FBXO11: variants seen among roughly 807,000 people sequenced by gnomAD.
FBXO11 encodes the protein F-box only protein 11.
FBXO11 carries 13 observed loss-of-function variants against 117.0 expected under a neutral mutation model. That is an observed-to-expected ratio of 0.11 (90% confidence interval 0.07 to 0.18). The LOEUF (loss-of-function observed/expected upper bound fraction) is 0.18. Among genes scored for constraint, FBXO11 ranks in the 10% least tolerant of loss-of-function variants. The pLI is 1.00. For synonymous variants in FBXO11, 490 were observed against 380.5 expected (o/e 1.29, Z -3.35); for missense variants, 767 against 1,164.4 (o/e 0.66, Z 4.97).
chr2:47,856,815 C>G (rs995884325), intron 1 of FBXO11, among the ~76,000 whole-genome samples: 2 of 152,132 alleles, frequency 1.3e-5, no homozygotes, highest in African/African-American at 2.4e-5. Context: ...AAATGTAGAA[C>G]TGAAACAGTA....
In FBXO11 at chr2:47,834,828, T is replaced by C; in HGVS notation, c.761A>G (p.Tyr254Cys). Reference sequence around the variant, plus strand: ...TCCTTTATATCTTGCAGGGTTACTGTAGAAATGTTCAGCAAATCCTGGCTT... The same window carrying C: ...TCCTTTATATCTTGCAGGGTTACTGCAGAAATGTTCAGCAAATCCTGGCTT... ...HVKPGFAEHF[Y>C]SNPARYKGRE... Residue 254 changes from tyrosine (Y) to cysteine (C), a missense_variant, in exon 6 of 23, where the codon TAC becomes TGC. Coordinates refer to ENST00000403359, the MANE Select transcript of FBXO11 (RefSeq NM_001190274.2). 2.5e-6 allele frequency: 4 copies of C among 1,613,594 alleles called. No homozygotes were observed. The highest frequency in any genetic ancestry group is 3.4e-6 in the Non-Finnish European group (4 of 1,179,808).
rs187355264 is a variant in FBXO11, at chr2:47,865,487, C to T, written c.233-25718G>A. On this transcript the variant is annotated intron_variant, in intron 1 of 22. Coordinates refer to ENST00000403359, the MANE Select transcript of FBXO11 (RefSeq NM_001190274.2). Reference sequence around the variant, plus strand: ...CCATAAAGGCTGTGTTTACAGACTGCAGACTAATAAATAAAACAGGGGCCT... The same window carrying T: ...CCATAAAGGCTGTGTTTACAGACTGTAGACTAATAAATAAAACAGGGGCCT... 4.6e-3 allele frequency among the ~76,000 whole-genome samples: 707 copies of T among 152,288 alleles called. 5 individuals carry two copies. The highest frequency in any genetic ancestry group is 0.017 in the African/African-American group (687 of 41,548).
At chr2:47,825,806 G>A (rs1284753839) in intron 11 of FBXO11, among the ~76,000 whole-genome samples, 2 of 151,904 alleles carry the variant, frequency 1.3e-5, no homozygotes, top group Non-Finnish European at 2.9e-5. Context: ...CAAACTTTCA[G>A]CCTCAAGCAA....
intron 12 of FBXO11, 123 bp downstream of exon 12, chr2:47,823,020 A>T (rs1572785092): frequency 1.6e-6 from 1 of 624,032 alleles, no homozygotes; most frequent in East Asian, 2.9e-5. Context: ...TTAACTAGGA[A>T]AATCTATTTT....
chr2:47,866,537 G>A (rs912943814), intron 1 of FBXO11, among the ~76,000 whole-genome samples: 1 of 151,220 alleles, frequency 6.6e-6, no homozygotes, highest in Non-Finnish European at 1.5e-5. Flanking sequence ...ACAGTGGCGT[G>A]ATCTAAGCTC....
intron 1 of FBXO11, among the ~76,000 whole-genome samples, chr2:47,860,323 A>G (rs987728748): frequency 6.6e-6 from 1 of 152,130 alleles, no homozygotes; most frequent in Non-Finnish European, 1.5e-5. Context: ...GAAATTGGCT[A>G]TATTTCACAT....
chr2:47,843,555 T>C lies in FBXO11; in HGVS notation c.233-3786A>G, dbSNP rs868437002. Among the ~76,000 whole-genome samples, 6 of 152,324 alleles carry C rather than the reference T, an allele frequency of 3.9e-5. No homozygotes were observed. The Middle Eastern group carries it at 0.01, about 259-fold the overall frequency. ...ATTCCATTCTTCATTATGTAATTAA[T>C]GGCTTTCTTCATCATCTTCATTATG... On this transcript the variant is annotated intron_variant, in intron 1 of 22. Coordinates refer to ENST00000403359, the MANE Select transcript of FBXO11 (RefSeq NM_001190274.2).
chr2:47,895,535 A>G (rs1160595499), intron 1 of FBXO11, among the ~76,000 whole-genome samples: 1 of 152,214 alleles, frequency 6.6e-6, no homozygotes, highest in Non-Finnish European at 1.5e-5. Context: ...CTGGGATACT[A>G]GTAGTGCTTT....
At chr2:47,870,234 T>C (rs1172262479) in intron 1 of FBXO11, among the ~76,000 whole-genome samples, 2 of 152,230 alleles carry the variant, frequency 1.3e-5, no homozygotes, top group Non-Finnish European at 2.9e-5. Flanking sequence ...ATTAGTGTTA[T>C]TGCTACTTAC....
intron 1 of FBXO11, among the ~76,000 whole-genome samples, chr2:47,865,325 A>G (rs1485819624): frequency 6.6e-6 from 1 of 152,182 alleles, no homozygotes; most frequent in Admixed American, 6.5e-5. Flanking sequence ...GTTTTGGCCA[A>G]TGGGCTACAT....
intron 1 of FBXO11, among the ~76,000 whole-genome samples, chr2:47,900,501 T>G (rs932291161): frequency 6.6e-6 from 1 of 151,308 alleles, no homozygotes; most frequent in Non-Finnish European, 1.5e-5. Context: ...CTGCTGCATA[T>G]TATAAATATA....
rs182190273 is a variant in FBXO11 at position 47,891,256 on chromosome 2, T to C, written c.232+14233A>G. ...TTCATCCTGCTTAACTGAAACTTCA[T>C]GCCTGCTGACTAGTAACTCCACATT... On this transcript the variant is annotated intron_variant, in intron 1 of 22. Transcript: ENST00000403359. Among the ~76,000 whole-genome samples, 6 of 152,336 alleles carry C rather than the reference T, an allele frequency of 3.9e-5. No homozygotes were observed. In the East Asian group the frequency reaches 1.2e-3, roughly 29 times the overall value.
In FBXO11 at chr2:47,902,919, T is replaced by TAA. The variant is rs796255446; in HGVS notation, c.232+2568_232+2569dup. On this transcript the variant is annotated intron_variant, in intron 1 of 22. Transcript: ENST00000403359. ...TATCCATTAAGAGTTAGTAAAAGGT[T>TAA]AAAAAAAAAAAAACAAAAACCACAC... is the stretch of plus-strand genomic sequence containing the variant. Among the ~76,000 whole-genome samples the TAA allele has an allele frequency of 2.0e-3, 287 of 140,338 alleles. 1 individual carries two copies. Among genetic ancestry groups the TAA allele is most frequent in the African/African-American group, 6.5e-3 (249 of 38,452 alleles). 92.1% of individuals were successfully genotyped at this position (140,338 alleles called of 152,430 possible).
intron 7 of FBXO11, among the ~76,000 whole-genome samples, chr2:47,833,540 A>C (rs1042665831): frequency 6.6e-6 from 1 of 152,206 alleles, no homozygotes; most frequent in Non-Finnish European, 1.5e-5. Context: ...CTGTAAATGC[A>C]AATTTCACTA....
At chr2:47,872,738 C>T (rs1288546073) in intron 1 of FBXO11, among the ~76,000 whole-genome samples, 1 of 152,108 alleles carries the variant, frequency 6.6e-6, no homozygotes, top group East Asian at 1.9e-4. Flanking sequence ...CACTACAGCC[C>T]AAATGCAGAA....
chr2:47,856,909 T>TA (rs1473614033), intron 1 of FBXO11, among the ~76,000 whole-genome samples: 3 of 152,176 alleles, frequency 2.0e-5, no homozygotes, highest in African/African-American at 7.2e-5. Flanking sequence ...AACATAAAAT[T>TA]AAGCTTTAAG....
At chr2:47,874,056 G>C (rs1378541414) in intron 1 of FBXO11, among the ~76,000 whole-genome samples, 1 of 151,750 alleles carries the variant, frequency 6.6e-6, no homozygotes, top group Non-Finnish European at 1.5e-5. Flanking sequence ...CTACTAAAAA[G>C]ACAAAAAATT....
chr2:47,890,563 G>C (rs918087930), intron 1 of FBXO11, among the ~76,000 whole-genome samples: 5 of 152,104 alleles, frequency 3.3e-5, no homozygotes, highest in African/African-American at 9.7e-5. Context: ...CCAGCACTCA[G>C]GAGGCCGAGG....
chr2:47,810,111 A>T, intron 19 of FBXO11: 2 of 522,030 alleles, frequency 3.8e-6, no homozygotes, highest in Non-Finnish European at 6.7e-6. Context: ...ACTAAGCAAT[A>T]AGAGCAATAT....
Sources: gnomAD v4.1 joint callset for allele counts (sites outside exome capture counted in the v4.1 genomes callset) on GRCh38, gnomAD v4.1.1 for gene constraint, MANE v1.5 for transcripts, NCBI Gene and HGNC (gene_info 2026-07-23, HGNC 2026-07-21) for gene names.